Variants in SORCS3 observed in about 807,000 individuals in gnomAD.
SORCS3 encodes the protein VPS10 domain-containing receptor SorCS3.
Under a neutral mutation model 146.3 loss-of-function variants are expected in SORCS3, and 57 were observed. That is an observed-to-expected ratio of 0.39 (90% CI 0.31 to 0.49). SORCS3 has a LOEUF of 0.49. Ranked by LOEUF, SORCS3 falls within the 20% of genes least tolerant of loss-of-function variation. The pLI, the probability that SORCS3 is intolerant of heterozygous loss-of-function variation, is 0.92. For missense variants in SORCS3, 1,341 were observed against 1,575.5 expected (o/e 0.85, Z 2.52); for synonymous variants, 653 against 618.5 (o/e 1.06, Z -0.83).
chr10:105,004,541 A>G (rs900908685), intron 4 of SORCS3, among the ~76,000 whole-genome samples: 5 of 152,082 alleles, frequency 3.3e-5, no homozygotes, highest in Non-Finnish European at 7.4e-5. Flanking sequence ...GCAGGATAGG[A>G]AGTGGAGCAG....
rs7915746 is a variant in SORCS3, at chr10:105,097,666, T to G, written c.1094-7731T>G. Reference sequence around the variant, plus strand: ...AGAAGTATTTTTATAATTTATTTTTTTCATCAGTTTACTAATGATGATCTT... The same window carrying G: ...AGAAGTATTTTTATAATTTATTTTTGTCATCAGTTTACTAATGATGATCTT... On this transcript the variant is annotated intron_variant, in intron 6 of 26. Coordinates refer to ENST00000369701, the MANE Select transcript of SORCS3 (RefSeq NM_014978.3). Among the ~76,000 whole-genome samples the G allele has an allele frequency of 6.1e-3, 930 of 152,338 alleles. 7 individuals carry two copies. The highest frequency in any genetic ancestry group is 0.021 in the African/African-American group (867 of 41,578).
intron 1 of SORCS3, among the ~76,000 whole-genome samples, chr10:104,831,171 C>A (rs1016524742): frequency 6.6e-5 from 10 of 152,120 alleles, no homozygotes; most frequent in Non-Finnish European, 1.3e-4. Flanking sequence ...CACTCTCTAT[C>A]AAGAAAGAGA....
intron 1 of SORCS3, among the ~76,000 whole-genome samples, chr10:104,768,859 G>A (rs555779809): frequency 6.6e-6 from 1 of 152,342 alleles, no homozygotes; most frequent in Non-Finnish European, 1.5e-5. Context: ...AGCACATAGA[G>A]AGTGTGGGTA....
At chr10:105,143,534 C>T (rs1333793417) in intron 8 of SORCS3, among the ~76,000 whole-genome samples, 1 of 152,168 alleles carries the variant, frequency 6.6e-6, no homozygotes, top group African/African-American at 2.4e-5. Context: ...TCCCATCTTT[C>T]AACTATGTTT....
intron 4 of SORCS3, among the ~76,000 whole-genome samples, chr10:105,008,732 C>T (rs1444240962): frequency 6.6e-6 from 1 of 152,192 alleles, no homozygotes; most frequent in Admixed American, 6.5e-5. Context: ...CTGCAACCTC[C>T]CCCTCGGGGG....
intron 4 of SORCS3, among the ~76,000 whole-genome samples, chr10:104,984,127 C>T (rs2054948458): frequency 6.6e-6 from 1 of 151,994 alleles, no homozygotes; most frequent in African/African-American, 2.4e-5. Flanking sequence ...AGGAAAGCAA[C>T]AGATAGAAAA....
chr10:105,035,957 C>T lies in SORCS3; in HGVS notation c.955-7098C>T, dbSNP rs147755274. Among the ~76,000 whole-genome samples, 237 of 152,180 alleles carry T rather than the reference C, an allele frequency of 1.6e-3. 1 individual carries two copies. Among genetic ancestry groups the T allele is most frequent in the African/African-American group, 5.3e-3 (221 of 41,532 alleles). On this transcript the variant is annotated intron_variant, in intron 4 of 26. Transcript: ENST00000369701. ...CTCATTTTAAAGTCCTCATTTTGTC[C>T]TTAACATATACATTCTTATGGAGTT...
At chr10:104,986,579 C>T (rs113870639) in intron 4 of SORCS3, among the ~76,000 whole-genome samples, 6 of 152,176 alleles carry the variant, frequency 3.9e-5, no homozygotes, top group Non-Finnish European at 5.9e-5. Flanking sequence ...GCCTTCCTTA[C>T]TGAGCTTAAT....
At chr10:104,785,711 C>T (rs1209593087) in intron 1 of SORCS3, among the ~76,000 whole-genome samples, 1 of 152,180 alleles carries the variant, frequency 6.6e-6, no homozygotes, top group Non-Finnish European at 1.5e-5. Flanking sequence ...GTCACCAGAA[C>T]TCACACCTGC....
Position 104,822,081 on chromosome 10 carries a change from C to T in SORCS3, c.628-20711C>T, listed in dbSNP as rs778661274. 6.2e-5 allele frequency: 32 copies of T among 518,160 alleles called. 1 individual carries two copies. The highest frequency in any genetic ancestry group is 5.6e-4 in the Admixed American group (29 of 51,468). 32.1% of individuals were successfully genotyped at this position (518,160 alleles called of 1,614,324 possible). A position where few individuals can be genotyped will look rare whatever the true frequency, so the allele number is the denominator to read the frequency against. On this transcript the variant is annotated intron_variant, in intron 1 of 26. Coordinates refer to ENST00000369701, the MANE Select transcript of SORCS3 (RefSeq NM_014978.3). ...CTTATTTTTTATTCCTTCTCTTAGT[C>T]CTGGAGTCTGACCAGCTCCTCTGTG...
intron 4 of SORCS3, among the ~76,000 whole-genome samples, chr10:104,997,321 A>C (rs61372005): frequency 0.075 from 11,385 of 152,230 alleles, 476 homozygotes; most frequent in African/African-American, 0.1. Context: ...AACCATTGAA[A>C]ACCTAAAGGA....
At chr10:105,120,792 G>A (rs945121163) in intron 7 of SORCS3, among the ~76,000 whole-genome samples, 9 of 152,264 alleles carry the variant, frequency 5.9e-5, no homozygotes, top group South Asian at 4.1e-4. Flanking sequence ...TAGCACAGGA[G>A]TATTAAATTG....
At position 104,900,655 on chromosome 10, in the gene SORCS3, C is replaced by T. The variant is rs542375559; in HGVS notation, c.696-15178C>T. Among the ~76,000 whole-genome samples the T allele has an allele frequency of 2.3e-3, 357 of 152,112 alleles. 2 individuals are homozygous for T. Among genetic ancestry groups the T allele is most frequent in the African/African-American group, 7.7e-3 (320 of 41,494 alleles). Reference sequence around the variant, plus strand: ...CCTGTAATCCCAGGACTTTGGGGGGCCGAGGTGGGCGGATCATGAGGTCAG... The same window carrying T: ...CCTGTAATCCCAGGACTTTGGGGGGTCGAGGTGGGCGGATCATGAGGTCAG... On this transcript the variant is annotated intron_variant, in intron 2 of 26. Transcript: ENST00000369701.
At chr10:104,843,373 G>T (rs2018166112) in intron 2 of SORCS3, among the ~76,000 whole-genome samples, 1 of 152,270 alleles carries the variant, frequency 6.6e-6, no homozygotes, top group Non-Finnish European at 1.5e-5. Flanking sequence ...GCCTTCAGGG[G>T]CCCCTTGCCC....
In SORCS3 at chr10:104,922,244, G is replaced by C. The variant is rs563965549; in HGVS notation, c.795+6312G>C. Among the ~76,000 whole-genome samples, 319 of 152,292 alleles carry C rather than the reference G, an allele frequency of 2.1e-3. 1 individual carries two copies. Among genetic ancestry groups the C allele is most frequent in the Non-Finnish European group, 4.0e-3 (271 of 68,020 alleles). On this transcript the variant is annotated intron_variant, in intron 3 of 26. Transcript: ENST00000369701. ...TAAGTGGCAGGGTAACACATTTTCA[G>C]TCCACAAATATTAAAGTCTCTTACA...
chr10:104,957,066 T>C (rs1028597975), intron 3 of SORCS3, among the ~76,000 whole-genome samples: 16 of 152,292 alleles, frequency 1.1e-4, no homozygotes, highest in Admixed American at 9.2e-4. Context: ...TGGACATTCA[T>C]TGGGTGATCC....
chr10:105,219,527 G>A (rs138521308), intron 19 of SORCS3, among the ~76,000 whole-genome samples: 10 of 152,202 alleles, frequency 6.6e-5, no homozygotes, highest in African/African-American at 1.7e-4. Context: ...ATCAGTTAAC[G>A]GTTGACTGGA....
At chr10:104,784,196 G>A (rs1241334143) in intron 1 of SORCS3, among the ~76,000 whole-genome samples, 1 of 152,162 alleles carries the variant, frequency 6.6e-6, no homozygotes, top group East Asian at 1.9e-4. Flanking sequence ...TAGAGCAGTG[G>A]TTCTCACCTC....
chr10:104,708,849 C>T (rs1043831830), intron 1 of SORCS3, among the ~76,000 whole-genome samples: 2 of 152,308 alleles, frequency 1.3e-5, no homozygotes, highest in Admixed American at 1.3e-4. Flanking sequence ...AATCACAAAG[C>T]CCTTTTGAGG....
Sources: allele counts gnomAD v4.1 joint callset (sites outside exome capture counted in the v4.1 genomes callset), GRCh38; gene constraint gnomAD v4.1.1; transcripts MANE v1.5; gene names NCBI Gene and HGNC (gene_info 2026-07-23, HGNC 2026-07-21).